Variants in EPYC observed in about 807,000 individuals in gnomAD.
The protein encoded by EPYC is epiphycan.
EPYC carries 28 observed loss-of-function variants against 30.1 expected under a neutral mutation model. The observed-to-expected ratio is 0.93, with a 90% CI of 0.69 to 1.28. The LOEUF is 1.28. Among genes scored for constraint, EPYC ranks in the 50% most tolerant of loss-of-function variants. The pLI, the probability that EPYC is intolerant of heterozygous loss-of-function variation, is 0.00. For synonymous variants in EPYC, 144 were observed against 141.4 expected, an observed-to-expected ratio of 1.02 and a Z score of -0.13; for missense variants, 382 against 383.5, an observed-to-expected ratio of 1.00 and a Z score of 0.03.
At chr12:91,000,280 A>C (rs1465279717) in intron 2 of EPYC, among the ~76,000 whole-genome samples, 2 of 152,120 alleles carry the variant, frequency 1.3e-5, no homozygotes, top group Non-Finnish European at 2.9e-5. Flanking sequence ...TATGTGGTAA[A>C]GGCTGAAGTA....
intron 2 of EPYC, among the ~76,000 whole-genome samples, chr12:90,991,132 A>G (rs1377440686): frequency 6.6e-6 from 1 of 152,180 alleles, no homozygotes; most frequent in Non-Finnish European, 1.5e-5. Context: ...CGTGCCAAGG[A>G]ATGGAGTATA....
chr12:90,984,058 A>T (rs1411865482), intron 2 of EPYC, among the ~76,000 whole-genome samples: 2 of 152,114 alleles, frequency 1.3e-5, no homozygotes, highest in Non-Finnish European at 2.9e-5. Context: ...CCAACCCTGG[A>T]GATCCCATCC....
intron 2 of EPYC, among the ~76,000 whole-genome samples, chr12:90,998,690 CT>C (rs2120868063): frequency 6.6e-6 from 1 of 152,200 alleles, no homozygotes; most frequent in East Asian, 1.9e-4. Flanking sequence ...AGATAAAAAA[CT>C]TTTAAGTTGT....
intron 2 of EPYC, among the ~76,000 whole-genome samples, chr12:90,984,815 G>A (rs1877411351): frequency 6.6e-6 from 1 of 151,964 alleles, no homozygotes; most frequent in Non-Finnish European, 1.5e-5. Flanking sequence ...AAAACCCCCG[G>A]GCTATCGGTT....
intron 3 of EPYC, among the ~76,000 whole-genome samples, chr12:90,976,406 C>T (rs1331728378): frequency 2.6e-5 from 4 of 152,078 alleles, no homozygotes; most frequent in African/African-American, 9.7e-5. Flanking sequence ...GACAACACCT[C>T]TATAAGGTAA....
intron 2 of EPYC, among the ~76,000 whole-genome samples, chr12:91,001,744 C>T (rs1266784126): frequency 6.6e-6 from 1 of 152,050 alleles, no homozygotes; most frequent in Admixed American, 6.6e-5. Flanking sequence ...CTCCTTTACC[C>T]CAAATTTTCC....
intron 2 of EPYC, among the ~76,000 whole-genome samples, chr12:90,995,765 G>A (rs1162022388): frequency 6.6e-6 from 1 of 151,610 alleles, no homozygotes; most frequent in Non-Finnish European, 1.5e-5. Context: ...AAGTTTTTAA[G>A]GTTCTTAAAT....
chr12:90,997,150 A>G (rs1877712083), intron 2 of EPYC, among the ~76,000 whole-genome samples: 1 of 152,076 alleles, frequency 6.6e-6, no homozygotes, highest in South Asian at 2.1e-4. Flanking sequence ...CCATAACTTA[A>G]TGTCATTGTA....
At chr12:90,967,512 CTAG>C (rs1176046501) in intron 6 of EPYC, among the ~76,000 whole-genome samples, 1 of 151,932 alleles carries the variant, frequency 6.6e-6, no homozygotes, top group Non-Finnish European at 1.5e-5. Flanking sequence ...GTTTTGTGGC[CTAG>C]TATGTGGTCT....
At chr12:90,990,523 C>T (rs1235747290) in intron 2 of EPYC, among the ~76,000 whole-genome samples, 1 of 152,060 alleles carries the variant, frequency 6.6e-6, no homozygotes, top group Non-Finnish European at 1.5e-5. Flanking sequence ...ACTTAGAAAC[C>T]TGATTTTATC....
chr12:90,978,299 A>T (rs1366094123), intron 2 of EPYC, 37 bp from the exon 3 acceptor site: 1 of 1,559,896 alleles, frequency 6.4e-7, no homozygotes, highest in Non-Finnish European at 8.6e-7. Context: ...TCTTCAGGCC[A>T]ACTTCTCAGT....
chr12:91,002,296 T>A, intron 2 of EPYC, 105 bp downstream of exon 2: 2 of 873,914 alleles, frequency 2.3e-6, no homozygotes, highest in Non-Finnish European at 3.4e-6. Flanking sequence ...TAACATAAAA[T>A]CTTTCTACTT....
rs138373628 is a variant in EPYC at position 90,964,161 on chromosome 12, C to T, written c.964G>A (p.Val322Ile). 6.2e-7 allele frequency: 1 copy of T among 1,610,328 alleles called. No individual in the cohort carries two copies. The highest frequency in any genetic ancestry group is 1.7e-5 in the Admixed American group (1 of 59,880). Residue 322 changes from valine (V) to isoleucine (I), a missense_variant, in exon 7 of 7, where the codon GTC (valine) becomes ATC (isoleucine). Val to Ile is a conservative substitution (Grantham distance 29). Transcript: ENST00000261172. ...CLPRLPVGSL[V>I] ...ATGCTAACCATTATCTGAAATTAGA[C>T]AAGGCTCCCAACAGGCAGACGAGGT... is the stretch of plus-strand genomic sequence containing the variant.
chr12:90,978,284 G>C, intron 2 of EPYC, 22 bp from the exon 3 acceptor site: 1 of 1,507,320 alleles, frequency 6.6e-7, no homozygotes, highest in Non-Finnish European at 9.0e-7. Context: ...AAAAAAAAGA[G>C]AATTTCTTCA....
At chr12:91,002,291 T>A in intron 2 of EPYC, 110 bp downstream of exon 2, 2 of 823,788 alleles carry the variant, frequency 2.4e-6, no homozygotes, top group East Asian at 3.0e-5. Context: ...ATTATTAACA[T>A]AAAATCTTTC....
intron 2 of EPYC, among the ~76,000 whole-genome samples, chr12:90,994,544 A>G (rs74561969): frequency 0.025 from 3,868 of 152,194 alleles, 132 homozygotes; most frequent in East Asian, 0.16. Context: ...CTGTCTCCCA[A>G]TGAGGAGGAA....
intron 2 of EPYC, among the ~76,000 whole-genome samples, chr12:90,986,338 G>A (rs1343134868): frequency 6.6e-6 from 1 of 152,086 alleles, no homozygotes; most frequent in Middle Eastern, 3.2e-3. Context: ...AAAAGCTCAA[G>A]GCTTAGTAAG....
rs1263297849 is a variant in EPYC, at chr12:90,987,246, C to T, written c.166-8984G>A. Among the ~76,000 whole-genome samples, 3 of 151,852 alleles carry T rather than the reference C, an allele frequency of 2.0e-5. No individual in the cohort carries two copies. In the East Asian group the frequency reaches 5.8e-4, roughly 29 times the overall value. On this transcript the variant is annotated intron_variant, in intron 2 of 6. Transcript: ENST00000261172. ...TCTCTGACCAGAAACATTCCAAACCCCTCCCCAACCACAGACATGCTAGCC... is the reference window on the plus strand; with the variant it reads ...TCTCTGACCAGAAACATTCCAAACCTCTCCCCAACCACAGACATGCTAGCC...
intron 2 of EPYC, among the ~76,000 whole-genome samples, chr12:91,000,347 G>A (rs916775483): frequency 6.6e-5 from 10 of 152,012 alleles, no homozygotes; most frequent in African/African-American, 2.4e-4. Flanking sequence ...CATTCCACAG[G>A]AAGTTGTTGT....
Sources: allele counts gnomAD v4.1 joint callset (sites outside exome capture counted in the v4.1 genomes callset), GRCh38; gene constraint gnomAD v4.1.1; transcripts MANE v1.5; gene names NCBI Gene and HGNC (gene_info 2026-07-23, HGNC 2026-07-21).